Variants in AIDA observed in about 807,000 individuals in gnomAD.
The protein encoded by AIDA is axin interactor, dorsalization-associated protein.
In AIDA, 18 loss-of-function variants were observed where a neutral mutation model predicts 42.7. That is an observed-to-expected ratio of 0.42 (90% CI 0.29 to 0.63). The LOEUF is 0.63. AIDA is among the 20% of genes least tolerant of loss of function. AIDA has a pLI of 0.19. For synonymous variants in AIDA, 104 were observed against 122.9 expected (o/e 0.85, Z 1.02); for missense variants, 250 against 354.1 (o/e 0.71, Z 2.36).
At chr1:222,707,486 A>T (rs1012575021) in intron 1 of AIDA, among the ~76,000 whole-genome samples, 1 of 152,210 alleles carries the variant, frequency 6.6e-6, no homozygotes, top group African/African-American at 2.4e-5. Context: ...AGCCGACATG[A>T]AAAATTAATT....
At chr1:222,670,699 A>T (rs1404243251) in intron 8 of AIDA, among the ~76,000 whole-genome samples, 1 of 152,222 alleles carries the variant, frequency 6.6e-6, no homozygotes, top group East Asian at 1.9e-4. Context: ...TCAAAAATTC[A>T]ATCTTGGGGG....
chr1:222,683,339 A>G (rs1402082340), intron 6 of AIDA, among the ~76,000 whole-genome samples: 4 of 152,206 alleles, frequency 2.6e-5, no homozygotes, highest in Non-Finnish European at 4.4e-5. Flanking sequence ...ACTTTCTTAC[A>G]TGTGTGTTAG....
rs891222996 is a variant in AIDA at position 222,697,228 on chromosome 1, C to T, written c.181-2965G>A. On this transcript the variant is annotated intron_variant, in intron 2 of 9. Transcript: ENST00000340020. ...AAAGTACTGGGATTACAGGCATGAG[C>T]CACTGTGCCTGGCTGCAACAGTTTT... Among the ~76,000 whole-genome samples, 96 of 151,796 alleles carry T rather than the reference C, an allele frequency of 6.3e-4. 1 individual carries two copies. The highest frequency in any genetic ancestry group is 2.5e-4 in the Non-Finnish European group (17 of 67,952).
intron 1 of AIDA, among the ~76,000 whole-genome samples, chr1:222,707,302 C>T (rs950883781): frequency 6.6e-6 from 1 of 151,994 alleles, no homozygotes; most frequent in Non-Finnish European, 1.5e-5. Context: ...AGACCACAGG[C>T]GTGTACCACC....
chr1:222,711,851 T>C (rs1656060356), intron 1 of AIDA: 1 of 248,712 alleles, frequency 4.0e-6, no homozygotes. Flanking sequence ...AAAAGCAACC[T>C]GGGAGAGGAG....
At chr1:222,690,463 T>G (rs1489471899) in intron 4 of AIDA, among the ~76,000 whole-genome samples, 1 of 152,194 alleles carries the variant, frequency 6.6e-6, no homozygotes, top group Non-Finnish European at 1.5e-5. Context: ...TACATTAAAG[T>G]GAATTCATGG....
intron 1 of AIDA, among the ~76,000 whole-genome samples, chr1:222,706,676 C>T (rs1389827952): frequency 6.6e-6 from 1 of 151,970 alleles, no homozygotes; most frequent in Non-Finnish European, 1.5e-5. Flanking sequence ...CGAGACCAGC[C>T]TGGCCAACAT....
At chr1:222,693,120 G>A (rs1194066931) in intron 4 of AIDA, among the ~76,000 whole-genome samples, 1 of 152,090 alleles carries the variant, frequency 6.6e-6, no homozygotes, top group Non-Finnish European at 1.5e-5. Context: ...ATGATTTTAT[G>A]ATTCCCTACT....
chr1:222,712,460 C>G lies in AIDA; in HGVS notation c.-143G>C. 1 of 1,431,804 alleles carries G rather than the reference C, an allele frequency of 7.0e-7. No homozygotes were observed. Among genetic ancestry groups the G allele is most frequent in the Non-Finnish European group, 9.1e-7 (1 of 1,095,686 alleles). 88.7% of individuals were successfully genotyped at this position (1,431,804 alleles called of 1,614,324 possible). On this transcript the variant is annotated 5_prime_UTR_variant, in exon 1 of 10. Coordinates refer to ENST00000340020, the MANE Select transcript of AIDA (RefSeq NM_022831.4). ...CCACCGCCACCCGCCGAGGAGCCGC[C>G]CAAGCCCATTTGCCGCCACAGCCAA...
chr1:222,673,219 A>G lies in AIDA; in HGVS notation c.706+94T>C, dbSNP rs1377129519. 2.6e-6 allele frequency: 3 copies of G among 1,156,830 alleles called. No homozygotes were observed. In the South Asian group the frequency reaches 6.7e-5, roughly 26 times the overall value. The allele number at this position is 1,156,830 out of a possible 1,614,324, so 71.7% of individuals were successfully genotyped here. A position where few individuals can be genotyped will look rare whatever the true frequency, so the allele number is the denominator to read the frequency against. On this transcript the variant is annotated intron_variant, in intron 8 of 9. Transcript: ENST00000340020. ...ACACTATGTTACATTTACTTCTGCC[A>G]GATACTAACTATGCTAGGTCCACCA...
intron 1 of AIDA, 24 bp from the exon 2 acceptor site, chr1:222,703,241 T>C: frequency 6.3e-7 from 1 of 1,575,208 alleles, no homozygotes; most frequent in Non-Finnish European, 8.6e-7. Context: ...ACATATTCTT[T>C]AGAATGGAAG....
Position 222,694,190 on chromosome 1 carries a change from A to G in AIDA, c.234+20T>C. 5.6e-6 allele frequency: 9 copies of G among 1,596,040 alleles called. No individual in the cohort carries two copies. Among genetic ancestry groups the G allele is most frequent in the Non-Finnish European group, 6.8e-6 (8 of 1,172,312 alleles). ...GAATAATTTATTTTCCTTGTATTACAGAAGAGAAAAACTCCTTACCTGTAA... is the reference window on the plus strand; with the variant it reads ...GAATAATTTATTTTCCTTGTATTACGGAAGAGAAAAACTCCTTACCTGTAA... On this transcript the variant is annotated intron_variant, in intron 3 of 9. Coordinates refer to ENST00000340020, the MANE Select transcript of AIDA (RefSeq NM_022831.4).
chr1:222,703,271 A>G (rs1206722277), intron 1 of AIDA, 54 bp from the exon 2 acceptor site: 1 of 1,332,936 alleles, frequency 7.5e-7, no homozygotes, highest in African/African-American at 1.5e-5. Context: ...CTACTGCAAC[A>G]AAGTGTAACA....
intron 4 of AIDA, among the ~76,000 whole-genome samples, chr1:222,692,716 C>T (rs1246217118): frequency 2.6e-5 from 4 of 151,928 alleles, no homozygotes; most frequent in Admixed American, 6.6e-5. Context: ...GATAGGAAGC[C>T]GAGTTTAATA....
At chr1:222,698,180 A>T (rs2124964715) in intron 2 of AIDA, among the ~76,000 whole-genome samples, 1 of 152,330 alleles carries the variant, frequency 6.6e-6, no homozygotes, top group East Asian at 1.9e-4. Flanking sequence ...AAGTATCATG[A>T]ACTTTATTTT....
chr1:222,712,481 G>A lies in AIDA; in HGVS notation c.-164C>T, dbSNP rs28583556. ...CCGCCCAAGCCCATTTGCCGCCACAGCCAAACTTTGCGGCTCCAAAGCGAC... is the reference window on the plus strand; with the variant it reads ...CCGCCCAAGCCCATTTGCCGCCACAACCAAACTTTGCGGCTCCAAAGCGAC... On this transcript the variant is annotated 5_prime_UTR_variant, in exon 1 of 10. Transcript: ENST00000340020. 1 of 1,415,644 alleles carries A rather than the reference G, an allele frequency of 7.1e-7. No homozygotes were observed. 87.7% of individuals were successfully genotyped at this position (1,415,644 alleles called of 1,614,324 possible).
At chr1:222,691,333 G>T (rs530509250) in intron 4 of AIDA, among the ~76,000 whole-genome samples, 2 of 152,212 alleles carry the variant, frequency 1.3e-5, no homozygotes, top group South Asian at 4.1e-4. Context: ...AAGTTAGAAG[G>T]TTTGAAATCA....
intron 6 of AIDA, among the ~76,000 whole-genome samples, chr1:222,676,596 A>T (rs1011457609): frequency 1.2e-4 from 19 of 152,202 alleles, no homozygotes; most frequent in Non-Finnish European, 2.2e-4. Flanking sequence ...AAAAAACTTT[A>T]AAAATATTTG....
chr1:222,693,869 T>A (rs202083483), intron 3 of AIDA, 26 bp from the exon 4 acceptor site: 1 of 1,559,398 alleles, frequency 6.4e-7, no homozygotes, highest in South Asian at 1.1e-5. Context: ...GCATATTACA[T>A]CTTTTCACTA....
Sources: gnomAD v4.1 joint callset for allele counts (sites outside exome capture counted in the v4.1 genomes callset) on GRCh38, gnomAD v4.1.1 for gene constraint, MANE v1.5 for transcripts, NCBI Gene and HGNC (gene_info 2026-07-23, HGNC 2026-07-21) for gene names.